The following MRPS6 variants were observed in gnomAD, a reference collection of about 807,000 sequenced individuals.
The protein encoded by MRPS6 is small ribosomal subunit protein bS6m.
A neutral mutation model predicts 13.1 loss-of-function variants in MRPS6; 6 were observed. The observed-to-expected ratio is 0.46, with a 90% CI of 0.25 to 0.91. MRPS6 has a LOEUF of 0.91. Ranked by LOEUF, MRPS6 falls within the 40% of genes least tolerant of loss-of-function variation. The pLI is 0.18. For synonymous variants in MRPS6, 61 were observed against 56.5 expected, an observed-to-expected ratio of 1.08 and a Z score of -0.36; for missense variants, 164 against 155.6, an observed-to-expected ratio of 1.05 and a Z score of -0.29.
At chr21:34,079,389 T>G (rs141490050) in intron 1 of MRPS6, among the ~76,000 whole-genome samples, 7 of 152,244 alleles carry the variant, frequency 4.6e-5, no homozygotes, top group African/African-American at 1.7e-4. Flanking sequence ...TTTCTTGGCT[T>G]CTTATGCTGC....
chr21:34,140,714 G>T (rs1980878246), intron 2 of MRPS6, among the ~76,000 whole-genome samples: 1 of 152,006 alleles, frequency 6.6e-6, no homozygotes, highest in Non-Finnish European at 1.5e-5. Flanking sequence ...CAGTTCTGCT[G>T]TTCTTATATG....
At chr21:34,126,751 T>C (rs1440030207) in intron 2 of MRPS6, among the ~76,000 whole-genome samples, 1 of 152,240 alleles carries the variant, frequency 6.6e-6, no homozygotes, top group Non-Finnish European at 1.5e-5. Context: ...AAGAAGTCAG[T>C]TTCTCCACTC....
At chr21:34,102,751 A>G in intron 1 of MRPS6, 1 of 1,000,164 alleles carries the variant, frequency 1.0e-6, no homozygotes, top group South Asian at 4.7e-5. Flanking sequence ...GTAGTGTGGG[A>G]ACAGTGGTTT....
At chr21:34,081,449 G>GA (rs929570835) in intron 1 of MRPS6, among the ~76,000 whole-genome samples, 8 of 152,122 alleles carry the variant, frequency 5.3e-5, no homozygotes, top group Non-Finnish European at 1.5e-5. Context: ...CTGCTTTATA[G>GA]AAAAATGCTG....
At chr21:34,101,236 A>T (rs189671787) in intron 1 of MRPS6, 3 of 1,000,158 alleles carry the variant, frequency 3.0e-6, no homozygotes, top group Admixed American at 6.2e-5. Context: ...AATCATTTTC[A>T]TTAGATTTAG....
chr21:34,098,901 CTG>C, intron 1 of MRPS6: 2 of 997,044 alleles, frequency 2.0e-6, no homozygotes, highest in Non-Finnish European at 2.4e-6. Context: ...TCTTTAATCT[CTG>C]ATACTTTTTA....
Position 34,125,384 on chromosome 21 carries a change from T to C in MRPS6, c.89T>C (p.Met30Thr). The change falls in exon 2 of 3, where the codon ATG (methionine) becomes ACG (threonine). Residue 30 changes from methionine to threonine, a missense_variant. Transcript: ENST00000399312. ...ATLKRTIEAL[M>T]DRGAIVRDLE... ...TTGAAACGTACGATAGAGGCCCTGA[T>C]GGACAGAGGAGCAATAGTGAGGGAC... The C allele has an allele frequency of 6.2e-7, 1 of 1,614,018 alleles. No homozygotes were observed. Among genetic ancestry groups the C allele is most frequent in the Non-Finnish European group, 8.5e-7 (1 of 1,179,924 alleles).
chr21:34,119,371 T>C (rs1156701652), intron 1 of MRPS6, among the ~76,000 whole-genome samples: 2 of 152,236 alleles, frequency 1.3e-5, no homozygotes, highest in Non-Finnish European at 2.9e-5. Flanking sequence ...AGAATGTCAA[T>C]GCAGAATTCA....
intron 1 of MRPS6, among the ~76,000 whole-genome samples, chr21:34,078,140 G>T (rs1031860750): frequency 6.6e-6 from 1 of 152,050 alleles, no homozygotes; most frequent in Middle Eastern, 3.2e-3. Context: ...GCTGTCAAGT[G>T]GTCTTTTTTT....
chr21:34,117,567 G>A (rs1031232807), intron 1 of MRPS6, among the ~76,000 whole-genome samples: 1 of 152,044 alleles, frequency 6.6e-6, no homozygotes, highest in African/African-American at 2.4e-5. Flanking sequence ...ATTTCCCTGC[G>A]GCTACCCTTT....
chr21:34,132,536 G>A (rs764423463), intron 2 of MRPS6, among the ~76,000 whole-genome samples: 5 of 152,204 alleles, frequency 3.3e-5, no homozygotes, highest in African/African-American at 1.2e-4. Context: ...GGAGCCTCCC[G>A]AAGCTAGGAA....
chr21:34,139,863 C>T (rs946453437), intron 2 of MRPS6, among the ~76,000 whole-genome samples: 1 of 152,154 alleles, frequency 6.6e-6, no homozygotes, highest in Non-Finnish European at 1.5e-5. Context: ...CAGGTGTGAG[C>T]CCCAGCGCCT....
At chr21:34,104,719 C>T (rs1022151882) in intron 1 of MRPS6, 49 of 999,514 alleles carry the variant, frequency 4.9e-5, no homozygotes, top group Admixed American at 6.2e-5. Flanking sequence ...AGAAGATTAC[C>T]AGAAGTGCAG....
chr21:34,081,590 G>T (rs541604952), intron 1 of MRPS6, among the ~76,000 whole-genome samples: 1 of 152,312 alleles, frequency 6.6e-6, no homozygotes, highest in South Asian at 2.1e-4. Flanking sequence ...AGGCAGATGG[G>T]ACTGGGTTTT....
At chr21:34,078,685 T>C (rs1989389950) in intron 1 of MRPS6, among the ~76,000 whole-genome samples, 1 of 152,214 alleles carries the variant, frequency 6.6e-6, no homozygotes, top group African/African-American at 2.4e-5. Context: ...TTGCTGTGTT[T>C]GTACTACTAC....
At chr21:34,097,580 T>C in intron 1 of MRPS6, 1 of 1,291,170 alleles carries the variant, frequency 7.7e-7, no homozygotes, top group Non-Finnish European at 9.9e-7. Flanking sequence ...ATTGTGCAAA[T>C]GTGGTTTTAA....
intron 1 of MRPS6, among the ~76,000 whole-genome samples, chr21:34,074,326 T>C (rs1989269465): frequency 2.6e-5 from 4 of 152,150 alleles, no homozygotes; most frequent in Admixed American, 2.0e-4. Context: ...ATCGCTCTCA[T>C]GTTAAAAAAA....
chr21:34,108,641 A>C (rs1159283835), intron 1 of MRPS6, among the ~76,000 whole-genome samples: 1 of 152,082 alleles, frequency 6.6e-6, no homozygotes, highest in African/African-American at 2.4e-5. Context: ...TACTGATGCA[A>C]CTCATTTTGT....
At chr21:34,100,790 A>G in intron 1 of MRPS6, 1 of 1,000,176 alleles carries the variant, frequency 1.0e-6, no homozygotes, top group Non-Finnish European at 1.2e-6. Flanking sequence ...AGGCATATGG[A>G]TCTTCCCCTC....
Sources: allele counts gnomAD v4.1 joint callset (sites outside exome capture counted in the v4.1 genomes callset), GRCh38; gene constraint gnomAD v4.1.1; transcripts MANE v1.5; gene names NCBI Gene and HGNC (gene_info 2026-07-23, HGNC 2026-07-21).